EPHA5: variants seen among roughly 807,000 people sequenced by gnomAD.
EPHA5 encodes EPH receptor A5.
Under a neutral mutation model 105.0 loss-of-function variants are expected in EPHA5, and 60 were observed. That is an observed-to-expected ratio of 0.57 (90% confidence interval 0.46 to 0.71). EPHA5 has a LOEUF of 0.71. Among genes scored for constraint, EPHA5 ranks in the 30% least tolerant of loss-of-function variants. The pLI, the probability that EPHA5 is intolerant of heterozygous loss-of-function variation, is 0.00. For missense variants in EPHA5, 1,218 were observed against 1,274.7 expected (o/e 0.96, Z 0.68); for synonymous variants, 513 against 449.1 (o/e 1.14, Z -1.80).
intron 5 of EPHA5, among the ~76,000 whole-genome samples, chr4:65,452,585 A>C (rs1727172870): frequency 6.6e-6 from 1 of 150,680 alleles, no homozygotes; most frequent in Non-Finnish European, 1.5e-5. Flanking sequence ...AAATACCAAA[A>C]AAAAAAAAAA....
intron 14 of EPHA5, among the ~76,000 whole-genome samples, chr4:65,343,487 T>C (rs1721930994): frequency 2.0e-5 from 3 of 152,132 alleles, no homozygotes; most frequent in Admixed American, 1.3e-4. Flanking sequence ...GGCAAAGCCC[T>C]TTAAGAATCA....
In EPHA5 at chr4:65,601,693, G is replaced by A. The variant is rs767238890; in HGVS notation, c.858C>T (p.Ile286=). 8 of 1,613,974 alleles carry A rather than the reference G, an allele frequency of 5.0e-6. No individual in the cohort carries two copies. The highest frequency in any genetic ancestry group is 2.2e-5 in the East Asian group (1 of 44,856). Residue 286 remains isoleucine (I), a synonymous_variant, in exon 3 of 17, where the codon ATC becomes ATT. Transcript: ENST00000613740. Reference sequence around the variant, plus strand: ...ATCCTGCCTTGCACATGCATTTCCCGATGGGCACCAGCCACTCCCCTTCGG... The same window carrying A: ...ATCCTGCCTTGCACATGCATTTCCCAATGGGCACCAGCCACTCCCCTTCGG... ...CSAEGEWLVP[I]GKCMCKAGYE... is the part of the protein sequence containing the mutation.
chr4:65,446,674 G>T (rs765432268), intron 5 of EPHA5, among the ~76,000 whole-genome samples: 1 of 151,908 alleles, frequency 6.6e-6, no homozygotes, highest in South Asian at 2.1e-4. Flanking sequence ...GTGTAGGGAT[G>T]CTCATGTATG....
Position 65,330,018 on chromosome 4 carries a change from C to G in EPHA5, c.2945+1955G>C, listed in dbSNP as rs531557493. On this transcript the variant is annotated intron_variant, in intron 16 of 16. Coordinates refer to ENST00000613740, the MANE Select transcript of EPHA5 (RefSeq NM_001281766.3). ...AAAGGGCCTGGAGTTGCCCCAAAAACCAGCTTTCTTGGAGTTATGATCTGC... is the reference window on the plus strand; with the variant it reads ...AAAGGGCCTGGAGTTGCCCCAAAAAGCAGCTTTCTTGGAGTTATGATCTGC... 5.3e-5 allele frequency among the ~76,000 whole-genome samples: 8 copies of G among 151,418 alleles called. No homozygotes were observed. In the Admixed American group the frequency reaches 5.3e-4, roughly 10 times the overall value.
intron 1 of EPHA5, among the ~76,000 whole-genome samples, chr4:65,648,277 T>C (rs537414091): frequency 5.9e-5 from 9 of 152,350 alleles, no homozygotes; most frequent in East Asian, 3.9e-4. Flanking sequence ...TCTAACTTGT[T>C]CTGTATCACT....
chr4:65,620,804 T>C (rs1354435071), intron 2 of EPHA5, among the ~76,000 whole-genome samples: 1 of 152,180 alleles, frequency 6.6e-6, no homozygotes, highest in Non-Finnish European at 1.5e-5. Context: ...AGAAATGTAT[T>C]CAGAAAACAT....
intron 6 of EPHA5, 56 bp downstream of exon 6, chr4:65,420,385 T>C (rs2149036069): frequency 2.7e-6 from 4 of 1,494,760 alleles, no homozygotes; most frequent in Non-Finnish European, 3.6e-6. Flanking sequence ...ATAATTGTAG[T>C]TGCTAAAATG....
intron 1 of EPHA5, among the ~76,000 whole-genome samples, chr4:65,648,195 A>G (rs971508372): frequency 3.9e-5 from 6 of 152,222 alleles, no homozygotes; most frequent in Non-Finnish European, 7.3e-5. Flanking sequence ...AACTTCACAC[A>G]TTCTAATAAT....
intron 1 of EPHA5, among the ~76,000 whole-genome samples, chr4:65,668,535 G>C (rs895978306): frequency 6.6e-6 from 1 of 152,170 alleles, no homozygotes; most frequent in African/African-American, 2.4e-5. Context: ...CCCGAGCTCA[G>C]TCCGGGTGTG....
intron 5 of EPHA5, among the ~76,000 whole-genome samples, chr4:65,447,804 AT>A (rs201552071): frequency 0.018 from 2,718 of 151,348 alleles, 80 homozygotes; most frequent in African/African-American, 0.062. Context: ...CAAAAAAAAA[AT>A]GATTTGAAGA....
chr4:65,437,536 A>AG lies in EPHA5; in HGVS notation c.1403-16972_1403-16971insC, dbSNP rs141841870. Among the ~76,000 whole-genome samples the AG allele has an allele frequency of 5.5e-3, 841 of 152,186 alleles. 29 individuals are homozygous for AG. The East Asian group carries it at 0.083, about 15-fold the overall frequency. On this transcript the variant is annotated intron_variant, in intron 5 of 16. Coordinates refer to ENST00000613740, the MANE Select transcript of EPHA5 (RefSeq NM_001281766.3). ...CCATATCTTCTTAGAATGATCAAGAAATAATACATTTTCTTGAAATCTATA... is the reference window on the plus strand; with the variant it reads ...CCATATCTTCTTAGAATGATCAAGAAGATAATACATTTTCTTGAAATCTATA...
intron 3 of EPHA5, among the ~76,000 whole-genome samples, chr4:65,508,635 T>A (rs1475598753): frequency 6.6e-6 from 1 of 152,122 alleles, no homozygotes; most frequent in Non-Finnish European, 1.5e-5. Flanking sequence ...TTACATTCTT[T>A]CCTTTAAAAT....
At chr4:65,448,598 A>C (rs2149101917) in intron 5 of EPHA5, among the ~76,000 whole-genome samples, 1 of 152,302 alleles carries the variant, frequency 6.6e-6, no homozygotes, top group Admixed American at 6.5e-5. Flanking sequence ...CAATGAGCTG[A>C]GATCATGCCA....
At chr4:65,658,261 G>T (rs1011809498) in intron 1 of EPHA5, among the ~76,000 whole-genome samples, 37 of 152,148 alleles carry the variant, frequency 2.4e-4, no homozygotes, top group African/African-American at 8.7e-4. Flanking sequence ...GTTCTTCACC[G>T]CAGGAGCTTG....
chr4:65,567,440 C>G (rs71612732), intron 3 of EPHA5, among the ~76,000 whole-genome samples: 1,765 of 151,546 alleles, frequency 0.012, 33 homozygotes, highest in Non-Finnish European at 0.015. Flanking sequence ...ATATCAATAA[C>G]TTCAGAATTT....
At position 65,321,292 on chromosome 4, in the gene EPHA5, C is replaced by CAA. The variant is rs145254769; in HGVS notation, c.*2820_*2821dup. The CAA allele has an allele frequency of 4.3e-6, 1 of 230,106 alleles. No individual in the cohort carries two copies. The highest frequency in any genetic ancestry group is 6.1e-5 in the East Asian group (1 of 16,328). The allele number at this position is 230,106 out of a possible 1,614,324, so 14.3% of individuals were successfully genotyped here. A position where few individuals can be genotyped will look rare whatever the true frequency, so the allele number is the denominator to read the frequency against. On this transcript the variant is annotated 3_prime_UTR_variant, in exon 17 of 17. Coordinates refer to ENST00000613740, the MANE Select transcript of EPHA5 (RefSeq NM_001281766.3). ...TTATTTTTGGTAGTCTGGTGGGTGACAAAATGAATCAACAGAATAAGAAAT... is the reference window on the plus strand; with the variant it reads ...TTATTTTTGGTAGTCTGGTGGGTGACAAAAAATGAATCAACAGAATAAGAAAT...
chr4:65,359,480 CAT>C (rs1717054206), intron 11 of EPHA5, among the ~76,000 whole-genome samples: 1 of 151,624 alleles, frequency 6.6e-6, no homozygotes, highest in Non-Finnish European at 1.5e-5. Context: ...TCCAATTTAA[CAT>C]GTCCACAACT....
At chr4:65,613,816 A>C (rs1230934014) in intron 2 of EPHA5, among the ~76,000 whole-genome samples, 1 of 152,030 alleles carries the variant, frequency 6.6e-6, no homozygotes, top group Admixed American at 6.5e-5. Flanking sequence ...CTAAATATTT[A>C]GTGTTTATGT....
intron 5 of EPHA5, among the ~76,000 whole-genome samples, chr4:65,463,586 C>A (rs113438407): frequency 3.3e-5 from 5 of 152,116 alleles, no homozygotes; most frequent in African/African-American, 7.2e-5. Context: ...TTCCAAACCA[C>A]TCTATTACAG....
Sources: allele counts gnomAD v4.1 joint callset (sites outside exome capture counted in the v4.1 genomes callset), GRCh38; gene constraint gnomAD v4.1.1; transcripts MANE v1.5; gene names NCBI Gene and HGNC (gene_info 2026-07-23, HGNC 2026-07-21).